The following KHDC4 variants were observed in gnomAD, a reference collection of about 807,000 sequenced individuals.
KHDC4 encodes KH homology domain-containing protein 4.
Under a neutral mutation model 74.5 loss-of-function variants are expected in KHDC4, and 19 were observed. The ratio of observed to expected loss-of-function variants is 0.26; its 90% CI spans 0.18 to 0.37. The LOEUF (loss-of-function observed/expected upper bound fraction) is 0.37. Ranked by LOEUF, KHDC4 falls within the 10% of genes least tolerant of loss-of-function variation. KHDC4 has a pLI of 1.00. For synonymous variants in KHDC4, 253 were observed against 266.1 expected (o/e 0.95, Z 0.48); for missense variants, 632 against 754.1 (o/e 0.84, Z 1.90).
Position 155,923,701 on chromosome 1 carries a change from A to G in KHDC4, c.894-14T>C. 6.2e-7 allele frequency: 1 copy of G among 1,603,826 alleles called. No homozygotes were observed. Among genetic ancestry groups the G allele is most frequent in the Non-Finnish European group, 8.5e-7 (1 of 1,170,846 alleles). On this transcript the variant is annotated splice_polypyrimidine_tract_variant and intron_variant, in intron 7 of 13. Transcript: ENST00000368321. ...GGTTTGGGGTGACTGCAAAGAAATAACCAGGAATTCAAAGGAGAGAAAAAT... is the reference window on the plus strand; with the variant it reads ...GGTTTGGGGTGACTGCAAAGAAATAGCCAGGAATTCAAAGGAGAGAAAAAT...
chr1:155,923,257 C>T (rs1441637370), intron 8 of KHDC4, among the ~76,000 whole-genome samples: 1 of 151,978 alleles, frequency 6.6e-6, no homozygotes, highest in East Asian at 1.9e-4. Flanking sequence ...AATGCATAAT[C>T]AAATGAGCAA....
chr1:155,925,769 C>T lies in KHDC4; in HGVS notation c.756G>A (p.Val252=). The change falls in exon 7 of 14, where the codon GTG becomes GTA. Residue 252 remains valine (V), a synonymous_variant. Coordinates refer to ENST00000368321, the MANE Select transcript of KHDC4 (RefSeq NM_014949.4). ...GCAAATAGGAGCAGCCTGGACCTTCCACCTTCTCCTTGACATTAAAAGTGG... is the reference window on the plus strand; with the variant it reads ...GCAAATAGGAGCAGCCTGGACCTTCTACCTTCTCCTTGACATTAAAAGTGG... The part of the protein sequence containing the change: ...AVPTFNVKEK[V]EGPGCSYLQH... 1.2e-6 allele frequency: 2 copies of T among 1,614,180 alleles called. No homozygotes were observed. The highest frequency in any genetic ancestry group is 8.5e-7 in the Non-Finnish European group (1 of 1,180,022).
Position 155,914,180 on chromosome 1 carries a change from G to T in KHDC4, c.1786C>A (p.Gln596Lys), listed in dbSNP as rs759730294. 1 of 1,614,030 alleles carries T rather than the reference G, an allele frequency of 6.2e-7. No homozygotes were observed. Among genetic ancestry groups the T allele is most frequent in the South Asian group, 1.1e-5 (1 of 91,084 alleles). Residue 596 changes from glutamine (Q) to lysine (K), a missense_variant, in exon 14 of 14, where the codon CAA becomes AAA. By Grantham distance (53) the Gln-to-Lys change is moderately conservative. Transcript: ENST00000368321. ...GCTCGTGGTTGTGATGAAGGATATT[G>T]GTATCCCAAACTCCAGCCCTGTGGA... ...SFPQGWSLGYQYPSSQPRAKQ... is the reference protein window; with the variant it reads ...SFPQGWSLGYKYPSSQPRAKQ...
intron 2 of KHDC4, among the ~76,000 whole-genome samples, chr1:155,930,496 G>C (rs990377666): frequency 3.9e-5 from 6 of 152,208 alleles, no homozygotes; most frequent in African/African-American, 9.6e-5. Context: ...CCTTCAAAAA[G>C]AAAATTAAAG....
In KHDC4 at chr1:155,925,838, A is replaced by C; in HGVS notation, c.687T>G (p.His229Gln). The change falls in exon 7 of 14, where the codon CAT (histidine) becomes CAG (glutamine). Residue 229 changes from histidine to glutamine, a missense_variant. By Grantham distance (24) the His-to-Gln change is conservative. Transcript: ENST00000368321. ...SQKPPFQSGMHYVQDKLFVGL... is the reference protein window; with the variant it reads ...SQKPPFQSGMQYVQDKLFVGL... ...CCACAAATAATTTATCTTGAACATA[A>C]TGCATCTGTAGGAAGAACAGAATAC... The C allele has an allele frequency of 6.2e-7, 1 of 1,606,292 alleles. No individual in the cohort carries two copies. The highest frequency in any genetic ancestry group is 8.5e-7 in the Non-Finnish European group (1 of 1,172,830).
intron 6 of KHDC4, 166 bp downstream of exon 6, chr1:155,926,510 G>T (rs185956166): frequency 6.2e-5 from 42 of 678,468 alleles, no homozygotes; most frequent in African/African-American, 5.2e-4. Flanking sequence ...TCGTGACGGG[G>T]TTTCACCACG....
intron 4 of KHDC4, among the ~76,000 whole-genome samples, chr1:155,927,686 C>G (rs1674035002): frequency 6.6e-6 from 1 of 151,230 alleles, no homozygotes; most frequent in Non-Finnish European, 1.5e-5. Context: ...GCCTGTAGTC[C>G]CAGCTACTCA....
At position 155,923,634 on chromosome 1, in the gene KHDC4, A is replaced by C. The variant is rs1673917730; in HGVS notation, c.947T>G (p.Leu316Trp). 1 of 1,613,264 alleles carries C rather than the reference A, an allele frequency of 6.2e-7. No homozygotes were observed. Among genetic ancestry groups the C allele is most frequent in the African/African-American group, 1.3e-5 (1 of 75,032 alleles). The change falls in exon 8 of 14, where the codon TTG (leucine) becomes TGG (tryptophan). Residue 316 changes from leucine to tryptophan, a missense_variant. Leu to Trp is a moderately conservative substitution (Grantham distance 61). Coordinates refer to ENST00000368321, the MANE Select transcript of KHDC4 (RefSeq NM_014949.4). ...CAGACAAATACAACTCACTGTTTGC[A>C]AAAGATTCTCACAAAGCTTCTTGGC... ...AAAKKLCENL[L>W]QTVHAEYSRF... is the part of the protein sequence containing the mutation.
chr1:155,934,379 C>T lies in KHDC4; in HGVS notation c.-6G>A. 1 of 1,612,050 alleles carries T rather than the reference C, an allele frequency of 6.2e-7. No homozygotes were observed. The highest frequency in any genetic ancestry group is 8.5e-7 in the Non-Finnish European group (1 of 1,179,914). On this transcript the variant is annotated 5_prime_UTR_variant, in exon 1 of 14. Transcript: ENST00000368321. ...GTCGCGCTCCCCGCGGACATGGCGA[C>T]CGCTTCTACTCAACCACCCGCCAAC...
intron 10 of KHDC4, among the ~76,000 whole-genome samples, chr1:155,921,023 C>T (rs886934029): frequency 1.3e-5 from 2 of 152,130 alleles, no homozygotes; most frequent in African/African-American, 2.4e-5. Context: ...AGGTATTATC[C>T]ACGGGCTGCT....
chr1:155,925,604 A>G, intron 7 of KHDC4, 28 bp downstream of exon 7: 1 of 1,582,188 alleles, frequency 6.3e-7, no homozygotes. Context: ...ACAAGAATTC[A>G]CATGTCCCCT....
chr1:155,917,530 T>C lies in KHDC4; in HGVS notation c.1409A>G (p.Asp470Gly), dbSNP rs1184799925. 6.2e-7 allele frequency: 1 copy of C among 1,613,088 alleles called. No individual in the cohort carries two copies. The highest frequency in any genetic ancestry group is 8.5e-7 in the Non-Finnish European group (1 of 1,179,820). Residue 470 changes from aspartate to glycine, a missense_variant, in exon 11 of 14, where the codon GAT (aspartate) becomes GGT (glycine). Physicochemically the swap from Asp to Gly is moderately conservative, Grantham distance 94 (BLOSUM62 -1). Around this residue, in one of 4 missense-constraint regions of KHDC4, gnomAD observed 254 missense variants for 267.4 expected, o/e 0.95. Coordinates refer to ENST00000368321, the MANE Select transcript of KHDC4 (RefSeq NM_014949.4). ...QKRRFTEELP[D>G]ERESGLLGYQ... ...TCCAAGCAGTCCAGATTCCCGTTCA[T>C]CTGGTAGCTCCTCTGTGAATCGTCT...
At chr1:155,933,338 T>C (rs912618537) in intron 2 of KHDC4, among the ~76,000 whole-genome samples, 3 of 151,714 alleles carry the variant, frequency 2.0e-5, no homozygotes, top group African/African-American at 7.3e-5. Flanking sequence ...TCGCCCAGGC[T>C]AGAGTGCACT....
chr1:155,921,183 A>G lies in KHDC4; in HGVS notation c.1266+192T>C, dbSNP rs1311335330. On this transcript the variant is annotated intron_variant, in intron 10 of 13. Transcript: ENST00000368321. Reference sequence around the variant, plus strand: ...TGGTGTGCAAGACTTGTGAAAATATAAACTTCAGGATGACATACACACATA... The same window carrying G: ...TGGTGTGCAAGACTTGTGAAAATATGAACTTCAGGATGACATACACACATA... 5 of 614,242 alleles carry G rather than the reference A, an allele frequency of 8.1e-6. No homozygotes were observed. In the East Asian group the frequency reaches 1.4e-4, roughly 17 times the overall value. 38.0% of individuals were successfully genotyped at this position (614,242 alleles called of 1,614,324 possible).
intron 4 of KHDC4, among the ~76,000 whole-genome samples, chr1:155,927,885 G>C (rs1210976319): frequency 1.6e-5 from 2 of 121,992 alleles, no homozygotes; most frequent in African/African-American, 6.3e-5. Context: ...AAATTAATGG[G>C]GAAAGATTGA....
intron 10 of KHDC4, chr1:155,919,799 A>G (rs918258831): frequency 1.2e-5 from 2 of 163,066 alleles, no homozygotes; most frequent in Admixed American, 6.5e-5. Context: ...TGACAGAATG[A>G]GATTCTGTCT....
chr1:155,926,918 G>A lies in KHDC4; in HGVS notation c.518-79C>T, dbSNP rs867289915. The A allele has an allele frequency of 5.6e-5, 85 of 1,514,880 alleles. No individual in the cohort carries two copies. The Middle Eastern group carries it at 7.1e-4, about 13-fold the overall frequency. The allele number at this position is 1,514,880 out of a possible 1,614,324, so 93.8% of individuals were successfully genotyped here. ...GCAGGCCAGTGTTCAATTATTCACC[G>A]TAAATCTGCTTTATACGTTACCCAA... On this transcript the variant is annotated intron_variant, in intron 5 of 13. Coordinates refer to ENST00000368321, the MANE Select transcript of KHDC4 (RefSeq NM_014949.4).
At chr1:155,926,425 C>A (rs951593681) in intron 6 of KHDC4, 21 of 453,888 alleles carry the variant, frequency 4.6e-5, no homozygotes, top group Non-Finnish European at 6.8e-5. Flanking sequence ...CACCTCCCGG[C>A]TTCAAGCAAT....
chr1:155,918,448 G>C (rs1291239929), intron 10 of KHDC4, among the ~76,000 whole-genome samples: 1 of 152,062 alleles, frequency 6.6e-6, no homozygotes, highest in African/African-American at 2.4e-5. Flanking sequence ...CAAAGTGCTG[G>C]GATTACAGGT....
Sources: allele counts gnomAD v4.1 joint callset (sites outside exome capture counted in the v4.1 genomes callset), GRCh38; gene constraint gnomAD v4.1.1; regional missense constraint gnomAD v4.1.1; transcripts MANE v1.5; gene names NCBI Gene and HGNC (gene_info 2026-07-23, HGNC 2026-07-21).